Variants in PIWIL4 observed in about 807,000 individuals in gnomAD.
PIWIL4 encodes the protein piwi like RNA-mediated gene silencing 4.
In PIWIL4, 50 loss-of-function variants were observed where a neutral mutation model predicts 100.9. The observed-to-expected ratio is 0.50, with a 90% CI of 0.39 to 0.63. The LOEUF is 0.63. Among genes scored for constraint, PIWIL4 ranks in the 20% least tolerant of loss-of-function variants. The pLI is 0.00. For missense variants in PIWIL4, 887 were observed against 1,043.3 expected (o/e 0.85, Z 2.06); for synonymous variants, 342 against 367.5 (o/e 0.93, Z 0.79).
chr11:94,598,651 T>C (rs1014295194), intron 11 of PIWIL4, among the ~76,000 whole-genome samples: 3 of 151,770 alleles, frequency 2.0e-5, no homozygotes, highest in African/African-American at 4.8e-5. Flanking sequence ...GTCTAACTGA[T>C]ATAATTGAAC....
At chr11:94,568,878 C>T in intron 2 of PIWIL4, 70 bp downstream of exon 2, 1 of 1,378,386 alleles carries the variant, frequency 7.3e-7, no homozygotes, top group Non-Finnish European at 1.0e-6. Flanking sequence ...CCTGCCAGGC[C>T]TTACAGCAGT....
At chr11:94,597,709 C>G (rs1225577975) in intron 10 of PIWIL4, 95 bp from the exon 11 acceptor site, 2 of 803,706 alleles carry the variant, frequency 2.5e-6, no homozygotes, top group Non-Finnish European at 4.0e-6. Flanking sequence ...AATTAGAAGC[C>G]AGGAATCCTG....
At chr11:94,597,450 G>A (rs1410278080) in intron 10 of PIWIL4, among the ~76,000 whole-genome samples, 1 of 152,190 alleles carries the variant, frequency 6.6e-6, no homozygotes, top group Admixed American at 6.5e-5. Flanking sequence ...TCAATCCTAC[G>A]AAGTAGGTGC....
intron 2 of PIWIL4, among the ~76,000 whole-genome samples, chr11:94,574,581 C>T (rs1393222801): frequency 6.6e-6 from 1 of 152,166 alleles, no homozygotes; most frequent in Non-Finnish European, 1.5e-5. Context: ...CTCACTGCTA[C>T]CCCCACCTTC....
intron 4 of PIWIL4, among the ~76,000 whole-genome samples, chr11:94,581,718 G>A (rs1483515832): frequency 6.6e-6 from 1 of 152,178 alleles, no homozygotes; most frequent in Non-Finnish European, 1.5e-5. Context: ...GAGATACAAA[G>A]TGCTGCTATT....
chr11:94,614,090 C>T (rs1411604589), intron 15 of PIWIL4, among the ~76,000 whole-genome samples: 1 of 151,426 alleles, frequency 6.6e-6, no homozygotes, highest in Non-Finnish European at 1.5e-5. Flanking sequence ...TTGTTTCTAT[C>T]TCTATATTGA....
intron 15 of PIWIL4, among the ~76,000 whole-genome samples, chr11:94,615,788 C>A (rs372117445): frequency 2.0e-5 from 3 of 152,134 alleles, no homozygotes; most frequent in South Asian, 2.1e-4. Context: ...TAGGCACGCG[C>A]CACCACATGT....
intron 15 of PIWIL4, among the ~76,000 whole-genome samples, chr11:94,610,622 G>A (rs1948778471): frequency 6.6e-6 from 1 of 151,986 alleles, no homozygotes; most frequent in Admixed American, 6.6e-5. Flanking sequence ...TCATGTATCT[G>A]TTGGCCATTT....
chr11:94,580,140 G>T (rs571389915), intron 4 of PIWIL4, among the ~76,000 whole-genome samples: 1 of 152,084 alleles, frequency 6.6e-6, no homozygotes, highest in Non-Finnish European at 1.5e-5. Flanking sequence ...ATAAAAACAT[G>T]GTGTGACAAA....
chr11:94,605,732 C>T (rs1468230834), intron 13 of PIWIL4, among the ~76,000 whole-genome samples: 2 of 152,152 alleles, frequency 1.3e-5, no homozygotes, highest in African/African-American at 4.8e-5. Flanking sequence ...ACTTTCTCTT[C>T]TCCCCATTTA....
intron 4 of PIWIL4, among the ~76,000 whole-genome samples, chr11:94,582,452 T>G (rs1247020488): frequency 1.3e-5 from 2 of 152,220 alleles, no homozygotes; most frequent in East Asian, 3.9e-4. Context: ...GGTTCCTGCC[T>G]TACATTCTTG....
chr11:94,582,744 C>T (rs1037082660), intron 4 of PIWIL4, among the ~76,000 whole-genome samples: 1 of 152,210 alleles, frequency 6.6e-6, no homozygotes, highest in African/African-American at 2.4e-5. Context: ...TATAAGGACT[C>T]TAGGTTTCTC....
At chr11:94,616,418 A>G in intron 15 of PIWIL4, 75 bp from the exon 16 acceptor site, 1 of 1,232,608 alleles carries the variant, frequency 8.1e-7, no homozygotes, top group Non-Finnish European at 1.1e-6. Context: ...TCTGTTTCTT[A>G]ATTTAATATT....
intron 2 of PIWIL4, among the ~76,000 whole-genome samples, chr11:94,571,985 T>C (rs569939405): frequency 1.1e-4 from 16 of 152,350 alleles, no homozygotes; most frequent in African/African-American, 3.1e-4. Flanking sequence ...CCATTCTAAC[T>C]GGTGTGAGAT....
chr11:94,570,813 A>AC (rs1442905727), intron 2 of PIWIL4, among the ~76,000 whole-genome samples: 1 of 151,986 alleles, frequency 6.6e-6, no homozygotes, highest in Non-Finnish European at 1.5e-5. Flanking sequence ...AATCGCTTGA[A>AC]CCCGGGAAGT....
chr11:94,580,608 C>G (rs1045345349), intron 4 of PIWIL4, among the ~76,000 whole-genome samples: 2 of 150,816 alleles, frequency 1.3e-5, no homozygotes, highest in African/African-American at 4.9e-5. Flanking sequence ...AAACAGAGTA[C>G]TTGTTCTCCA....
chr11:94,594,581 G>A (rs1948531731), intron 9 of PIWIL4, among the ~76,000 whole-genome samples: 1 of 151,974 alleles, frequency 6.6e-6, no homozygotes, highest in Non-Finnish European at 1.5e-5. Flanking sequence ...TGCCCAGGCT[G>A]GAGTGCAATG....
At chr11:94,567,646 A>C (rs536816303) in intron 1 of PIWIL4, 41 bp downstream of exon 1, 4 of 1,534,214 alleles carry the variant, frequency 2.6e-6, no homozygotes, top group African/African-American at 2.7e-5. Flanking sequence ...GTTTTCTCCT[A>C]CCTCTGTCTC....
intron 8 of PIWIL4, among the ~76,000 whole-genome samples, chr11:94,593,167 G>A (rs1319092953): frequency 4.6e-5 from 7 of 152,200 alleles, no homozygotes. Context: ...GCATGGGGCA[G>A]TCTACCTCAG....
Sources: allele counts gnomAD v4.1 joint callset (sites outside exome capture counted in the v4.1 genomes callset), GRCh38; gene constraint gnomAD v4.1.1; transcripts MANE v1.5; gene names NCBI Gene and HGNC (gene_info 2026-07-23, HGNC 2026-07-21).